The following AGAP1 variants were observed in gnomAD, a reference collection of about 807,000 sequenced individuals.
AGAP1 encodes the protein ArfGAP with GTPase domain, ankyrin repeat and PH domain 1.
Under a neutral mutation model 105.3 loss-of-function variants are expected in AGAP1, and 29 were observed. The observed-to-expected ratio is 0.28, with a 90% CI of 0.21 to 0.38. The LOEUF (loss-of-function observed/expected upper bound fraction) is 0.38. AGAP1 is among the 10% of genes least tolerant of loss of function. The pLI is 1.00. For missense variants in AGAP1, 998 were observed against 1,165.1 expected, an observed-to-expected ratio of 0.86 and a Z score of 2.09; for synonymous variants, 509 against 485.9, an observed-to-expected ratio of 1.05 and a Z score of -0.63.
intron 1 of AGAP1, chr2:235,670,281 G>C (rs774058986): frequency 2.2e-6 from 1 of 444,798 alleles, no homozygotes; most frequent in South Asian, 4.7e-5. Flanking sequence ...CGGCCCGCGC[G>C]CTCCCCGGAC....
At chr2:235,567,371 G>T (rs1220281738) in intron 1 of AGAP1, among the ~76,000 whole-genome samples, 1 of 152,230 alleles carries the variant, frequency 6.6e-6, no homozygotes, top group Non-Finnish European at 1.5e-5. Context: ...GCCCCAAAGG[G>T]CCCTGCCCTC....
At chr2:235,544,550 G>T (rs1185285581) in intron 1 of AGAP1, among the ~76,000 whole-genome samples, 1 of 152,180 alleles carries the variant, frequency 6.6e-6, no homozygotes, top group African/African-American at 2.4e-5. Flanking sequence ...CAGCCGGGCC[G>T]ACCACGGAGC....
chr2:235,632,648 A>G (rs2149290428), intron 1 of AGAP1, among the ~76,000 whole-genome samples: 1 of 152,296 alleles, frequency 6.6e-6, no homozygotes, highest in East Asian at 1.9e-4. Context: ...CAGTTGCTTC[A>G]GTTTTTCTAG....
Position 235,551,122 on chromosome 2 carries a change from G to A in AGAP1, c.163+56273G>A, listed in dbSNP as rs1053954564. Among the ~76,000 whole-genome samples the A allele has an allele frequency of 6.6e-6, 1 of 152,120 alleles. No homozygotes were observed. Among genetic ancestry groups the A allele is most frequent in the African/African-American group, 2.4e-5 (1 of 41,428 alleles). On this transcript the variant is annotated intron_variant, in intron 1 of 17. Coordinates refer to ENST00000304032, the MANE Select transcript of AGAP1 (RefSeq NM_001037131.3). This position sits in a 1 kb window ranked among gnomAD's most constrained non-coding sequence, Gnocchi z 4.8. The stretch of plus-strand genomic sequence containing the variant: ...AGTTTGCTTCTGAGGAAGAGAAGTG[G>A]GGGGTCGGGGGCATCCCACCTCCCT...
In AGAP1 at chr2:235,981,689, A is replaced by G. The variant is rs919682473; in HGVS notation, c.1645+13066A>G. Among the ~76,000 whole-genome samples the G allele has an allele frequency of 2.6e-5, 4 of 152,128 alleles. No homozygotes were observed. Among genetic ancestry groups the G allele is most frequent in the African/African-American group, 9.7e-5 (4 of 41,426 alleles). On this transcript the variant is annotated intron_variant, in intron 13 of 17. Coordinates refer to ENST00000304032, the MANE Select transcript of AGAP1 (RefSeq NM_001037131.3). This position sits in a 1 kb window ranked among gnomAD's most constrained non-coding sequence, Gnocchi z 5.5. ...TTACACGCAGCGTCTCATAACCCTC[A>G]CAAGAACCTGGGAGGTGGGTGCCGT...
chr2:235,853,046 A>G (rs911886551), intron 9 of AGAP1: 2 of 1,240,768 alleles, frequency 1.6e-6, no homozygotes, highest in Non-Finnish European at 2.0e-6. Context: ...CTTAATTTCT[A>G]TAGCGGGCAA....
chr2:235,815,762 T>C (rs1958417210), intron 9 of AGAP1, among the ~76,000 whole-genome samples: 1 of 152,226 alleles, frequency 6.6e-6, no homozygotes, highest in African/African-American at 2.4e-5. Flanking sequence ...GGGGTTTCCA[T>C]TGAAACTTTC....
Position 235,744,362 on chromosome 2 carries a change from CG to C in AGAP1, c.397-332del, listed in dbSNP as rs1435153921. Among the ~76,000 whole-genome samples the C allele has an allele frequency of 6.6e-6, 1 of 152,092 alleles. No homozygotes were observed. The highest frequency in any genetic ancestry group is 2.4e-5 in the African/African-American group (1 of 41,410). ...GGAGGTGGGTCTGGCCTTCTGTCTG[CG>C]GGGCCGCCTTGGCAGGTCGGGGCAG... is the stretch of plus-strand genomic sequence containing the variant. On this transcript the variant is annotated intron_variant, in intron 4 of 17. Transcript: ENST00000304032. The surrounding 1 kb of genome is among the most constrained non-coding windows in gnomAD (Gnocchi z 5.2).
At position 235,622,642 on chromosome 2, in the gene AGAP1, AG is replaced by A. The variant is rs1438301822; in HGVS notation, c.164-86536del. 2.0e-5 allele frequency among the ~76,000 whole-genome samples: 3 copies of A among 151,996 alleles called. No individual in the cohort carries two copies. The highest frequency in any genetic ancestry group is 6.6e-5 in the Admixed American group (1 of 15,248). On this transcript the variant is annotated intron_variant, in intron 1 of 17. Transcript: ENST00000304032. The surrounding 1 kb of genome is among the most constrained non-coding windows in gnomAD (Gnocchi z 5.0). ...TGAGAATGCGACCTATGAAATTGGG[AG>A]CCCTGGCTGGATCAGAAGCACATGG... is the stretch of plus-strand genomic sequence containing the variant.
At chr2:236,010,054 T>G (rs540550268) in intron 13 of AGAP1, among the ~76,000 whole-genome samples, 1 of 152,254 alleles carries the variant, frequency 6.6e-6, no homozygotes, top group African/African-American at 2.4e-5. Context: ...GAGTCTCAGT[T>G]TGAAGTGTTC....
rs1465505143 is a variant in AGAP1, at chr2:235,887,728, A to G, written c.1155+4279A>G. On this transcript the variant is annotated intron_variant, in intron 10 of 17. Transcript: ENST00000304032. This position sits in a 1 kb window ranked among gnomAD's most constrained non-coding sequence, Gnocchi z 4.1. ...GTTTTCTACAAAGATGTAAACGGGT[A>G]TCAATAGTGAGGTTGCTGCACCGAT... Among the ~76,000 whole-genome samples, 1 of 152,222 alleles carries G rather than the reference A, an allele frequency of 6.6e-6. No individual in the cohort carries two copies. Among genetic ancestry groups the G allele is most frequent in the Non-Finnish European group, 1.5e-5 (1 of 68,036 alleles).
chr2:235,643,811 G>A (rs1322190020), intron 1 of AGAP1, among the ~76,000 whole-genome samples: 1 of 152,050 alleles, frequency 6.6e-6, no homozygotes, highest in Non-Finnish European at 1.5e-5. Context: ...ACTTTGTGGG[G>A]GGAAAACAAC....
At chr2:235,762,877 A>C (rs953049105) in intron 6 of AGAP1, among the ~76,000 whole-genome samples, 1 of 152,166 alleles carries the variant, frequency 6.6e-6, no homozygotes, top group African/African-American at 2.4e-5. Context: ...CATCTCAAAA[A>C]AACAGGAAAG....
intron 1 of AGAP1, among the ~76,000 whole-genome samples, chr2:235,534,072 A>G (rs1300120653): frequency 1.3e-5 from 2 of 152,210 alleles, no homozygotes; most frequent in Non-Finnish European, 2.9e-5. Flanking sequence ...TGTCGATGCT[A>G]CAGCAGTCCT....
At chr2:235,892,711 G>A (rs572621159) in intron 10 of AGAP1, among the ~76,000 whole-genome samples, 1 of 152,106 alleles carries the variant, frequency 6.6e-6, no homozygotes, top group African/African-American at 2.4e-5. Flanking sequence ...GAAGATTCAC[G>A]AAGAATCTGT....
At chr2:235,774,563 G>A (rs755480490) in intron 6 of AGAP1, 4 of 309,426 alleles carry the variant, frequency 1.3e-5, no homozygotes, top group Non-Finnish European at 2.6e-5. Flanking sequence ...GAAAACTGTC[G>A]CATTTAAAAT....
chr2:235,737,561 T>A lies in AGAP1; in HGVS notation c.311-3402T>A, dbSNP rs1368240866. ...ACCTTTCGTAACTTGAATATTGTGA[T>A]TCAGCCACCTGGAAGCTTCACTTGT... On this transcript the variant is annotated intron_variant, in intron 3 of 17. Coordinates refer to ENST00000304032, the MANE Select transcript of AGAP1 (RefSeq NM_001037131.3). The surrounding 1 kb of genome is among the most constrained non-coding windows in gnomAD (Gnocchi z 4.5). Among the ~76,000 whole-genome samples the A allele has an allele frequency of 6.6e-6, 1 of 152,190 alleles. No homozygotes were observed. The highest frequency in any genetic ancestry group is 1.5e-5 in the Non-Finnish European group (1 of 68,034).
intron 1 of AGAP1, among the ~76,000 whole-genome samples, chr2:235,532,721 A>G (rs757160196): frequency 2.0e-5 from 3 of 152,218 alleles, no homozygotes; most frequent in Non-Finnish European, 4.4e-5. Context: ...GCAAAAGTTA[A>G]TGTTGTAAGA....
At chr2:235,878,494 CTA>C (rs2049855854) in intron 9 of AGAP1, among the ~76,000 whole-genome samples, 1 of 152,142 alleles carries the variant, frequency 6.6e-6, no homozygotes, top group Non-Finnish European at 1.5e-5. Context: ...GGTCTGATCT[CTA>C]GTTTCCAGCA....
Sources: gnomAD v4.1 joint callset for allele counts (sites outside exome capture counted in the v4.1 genomes callset) on GRCh38, gnomAD v4.1.1 for gene constraint, Gnocchi (gnomAD v3.1) non-coding constraint, MANE v1.5 for transcripts, NCBI Gene and HGNC (gene_info 2026-07-23, HGNC 2026-07-21) for gene names.